Variants in SLC2A5 observed in about 807,000 individuals in gnomAD.
SLC2A5 encodes the protein solute carrier family 2 member 5.
In SLC2A5, 56 loss-of-function variants were observed where a neutral mutation model predicts 50.3. The observed-to-expected ratio is 1.11, with a 90% CI of 0.90 to 1.39. The LOEUF is 1.39. SLC2A5 is among the 40% of genes most tolerant of loss of function. SLC2A5 has a pLI of 0.00. For synonymous variants in SLC2A5, 269 were observed against 281.9 expected (o/e 0.95, Z 0.46); for missense variants, 566 against 650.1 (o/e 0.87, Z 1.41).
chr1:9,075,913 G>C (rs1053781409), intron 2 of SLC2A5, among the ~76,000 whole-genome samples: 1 of 151,696 alleles, frequency 6.6e-6, no homozygotes, highest in Admixed American at 6.6e-5. Context: ...CACCCACCTC[G>C]GCCTCCCAAA....
chr1:9,078,374 A>G (rs1045466362), intron 2 of SLC2A5, among the ~76,000 whole-genome samples: 4 of 152,150 alleles, frequency 2.6e-5, no homozygotes, highest in Non-Finnish European at 4.4e-5. Context: ...CCTCCTGGGA[A>G]TGCAGCCCAG....
At position 9,039,585 on chromosome 1, in the gene SLC2A5, G is replaced by A. The variant is rs1236412300; in HGVS notation, c.963C>T (p.Thr321=). Residue 321 remains threonine, a synonymous_variant, in exon 8 of 12, where the codon ACC becomes ACT. Coordinates refer to ENST00000377424, the MANE Select transcript of SLC2A5 (RefSeq NM_003039.3). ...EEHVQYVTAG[T]GAVNVVMTFC... is the part of the protein sequence containing the mutation. ...AGGTCATGACCACGTTCACGGCCCC[G>A]GTGCCGGCCGTCACGTACTGCACGT... 45 of 1,575,486 alleles carry A rather than the reference G, an allele frequency of 2.9e-5. No individual in the cohort carries two copies. The highest frequency in any genetic ancestry group is 1.2e-4 in the East Asian group (5 of 42,146).
At chr1:9,070,300 C>G (rs943161899), upstream of SLC2A5, among the ~76,000 whole-genome samples, 1 of 151,920 alleles carries the variant, frequency 6.6e-6, no homozygotes, top group Non-Finnish European at 1.5e-5. Context: ...AGGCTGGTCT[C>G]GAACTCCTGA....
intron 1 of SLC2A5, among the ~76,000 whole-genome samples, chr1:9,086,419 C>T (rs1192865953): frequency 3.4e-5 from 5 of 146,318 alleles, no homozygotes; most frequent in African/African-American, 1.0e-4. Context: ...GATGAAGTCT[C>T]ACTTTGTTGC....
Position 9,040,171 on chromosome 1 carries a change from C to T in SLC2A5, c.590G>A (p.Gly197Glu). The change falls in exon 6 of 12, where the codon GGG becomes GAG. Residue 197 changes from glycine to glutamate, a missense_variant. Physicochemically the swap from Gly to Glu is moderately conservative, Grantham distance 98. Coordinates refer to ENST00000377424, the MANE Select transcript of SLC2A5 (RefSeq NM_003039.3). The surrounding 1 kb of genome is among the most constrained non-coding windows in gnomAD (Gnocchi z 4.3). ...CAGCGCCGCGGGGACCCCGGTCAGCCCCAGCAGGATCGGCCAGCCTGGGAG... is the reference window on the plus strand; with the variant it reads ...CAGCGCCGCGGGGACCCCGGTCAGCTCCAGCAGGATCGGCCAGCCTGGGAG... ...ANVDGWPILL[G>E]LTGVPAALQL... is the part of the protein sequence containing the mutation. 6.4e-7 allele frequency: 1 copy of T among 1,553,664 alleles called. No homozygotes were observed. Among genetic ancestry groups the T allele is most frequent in the Non-Finnish European group, 8.7e-7 (1 of 1,149,776 alleles).
At position 9,061,110 on chromosome 1, in the gene SLC2A5, C is replaced by T. The variant is rs543856937; in HGVS notation, c.34-2860G>A. Among the ~76,000 whole-genome samples the T allele has an allele frequency of 3.2e-4, 48 of 151,498 alleles. No individual in the cohort carries two copies. The South Asian group carries it at 5.2e-3, about 16-fold the overall frequency. On this transcript the variant is annotated intron_variant, in intron 1 of 11. Transcript: ENST00000377424. ...AGCCAGCCCGGGCAACATGGTGAAA[C>T]CTCGTCTCTACTAAAAATTCAAAAA... is the stretch of plus-strand genomic sequence containing the variant.
intron 3 of SLC2A5, among the ~76,000 whole-genome samples, chr1:9,053,129 AC>A (rs1275885979): frequency 4.8e-4 from 26 of 54,470 alleles, no homozygotes; most frequent in East Asian, 2.0e-3. Context: ...TATTTATATT[AC>A]ATATATTTAT....
At chr1:9,057,049 T>TG (rs1037948585) in intron 3 of SLC2A5, among the ~76,000 whole-genome samples, 1 of 152,070 alleles carries the variant, frequency 6.6e-6, no homozygotes, top group Non-Finnish European at 1.5e-5. Flanking sequence ...CCCAGCACTC[T>TG]GGGGGGCTGA....
chr1:9,076,202 C>T (rs931342719), intron 2 of SLC2A5, among the ~76,000 whole-genome samples: 10 of 151,968 alleles, frequency 6.6e-5, no homozygotes, highest in African/African-American at 2.4e-4. Flanking sequence ...ATGATCTGAC[C>T]GCCTCGGCCT....
In SLC2A5 at chr1:9,041,792, G is replaced by C; in HGVS notation, c.564C>G (p.Asn188Lys). Residue 188 changes from asparagine to lysine, a missense_variant, in exon 5 of 12, where the codon AAC (asparagine) becomes AAG (lysine). Transcript: ENST00000377424. The part of the protein sequence containing the change: ...QIFGLRNLLA[N>K]VDGWPILLGL... ...GAGATGTCCTGAACTCACCATCTAC[G>C]TTTGCAAGGAGATTCCGAAGACCAA... 1 of 1,614,084 alleles carries C rather than the reference G, an allele frequency of 6.2e-7. No individual in the cohort carries two copies.
chr1:9,083,932 C>G (rs1642378221), intron 2 of SLC2A5, among the ~76,000 whole-genome samples: 1 of 152,138 alleles, frequency 6.6e-6, no homozygotes, highest in Non-Finnish European at 1.5e-5. Flanking sequence ...ATCACGAGGT[C>G]AGGAGATCGA....
In SLC2A5 at chr1:9,041,891, AG is replaced by A. The variant is rs1440518822; in HGVS notation, c.464del (p.Pro155LeufsTer35). On this transcript the variant is annotated frameshift_variant, in exon 5 of 12. Transcript: ENST00000377424. LOFTEE classifies it high-confidence loss of function. ...VVPMYLGELA[P>X]KNLRGALGVV... is the part of the protein sequence containing the mutation. ...CCCCGAGAGCCCCCCGCAGGTTTTT[AG>A]GGGCCAGCTCCCCTAAGTACATGGG... 2.5e-6 allele frequency: 4 copies of A among 1,613,708 alleles called. No individual in the cohort carries two copies. The highest frequency in any genetic ancestry group is 2.7e-5 in the African/African-American group (2 of 74,908).
At chr1:9,059,513 C>T (rs1211485577) in intron 1 of SLC2A5, among the ~76,000 whole-genome samples, 2 of 143,546 alleles carry the variant, frequency 1.4e-5, no homozygotes, top group Non-Finnish European at 3.0e-5. Context: ...CACTATCCCA[C>T]GGTATCTAAA....
intron 1 of SLC2A5, among the ~76,000 whole-genome samples, chr1:9,062,819 C>T (rs1641979373): frequency 6.6e-6 from 1 of 152,054 alleles, no homozygotes; most frequent in South Asian, 2.1e-4. Context: ...TTGCAGTGAG[C>T]CGAGATCACG....
At chr1:9,064,128 G>C (rs1440077900) in intron 1 of SLC2A5, among the ~76,000 whole-genome samples, 1 of 152,138 alleles carries the variant, frequency 6.6e-6, no homozygotes, top group Admixed American at 6.6e-5. Context: ...GTGCCAGCCT[G>C]GGCCTGTGTA....
At chr1:9,082,711 G>T in intron 2 of SLC2A5, 1 of 291,158 alleles carries the variant, frequency 3.4e-6, no homozygotes, top group Non-Finnish European at 6.9e-6. Flanking sequence ...CTGGGGAAAG[G>T]CTCCTATGTT....
rs199970634 is a variant in SLC2A5, at chr1:9,075,035, A to AC, written c.-58-5442_-58-5441insG. Among the ~76,000 whole-genome samples the AC allele has an allele frequency of 7.1e-3, 1,074 of 151,914 alleles. 13 individuals carry two copies. The highest frequency in any genetic ancestry group is 0.025 in the African/African-American group (1,022 of 41,452). Reference sequence around the variant, plus strand: ...GATCCCATCTCAAAAAACAAAACAAAAAAAAAAAGAAGTGCTTTCCAAGCT... The same window carrying AC: ...GATCCCATCTCAAAAAACAAAACAAACAAAAAAAAGAAGTGCTTTCCAAGCT... On this transcript the variant is annotated intron_variant, in intron 2 of 5. Coordinates refer to the SLC2A5 transcript ENST00000464985.
chr1:9,040,000 G>C lies in SLC2A5; in HGVS notation c.698-13C>G. 3 of 1,600,394 alleles carry C rather than the reference G, an allele frequency of 1.9e-6. No individual in the cohort carries two copies. Among genetic ancestry groups the C allele is most frequent in the Middle Eastern group, 1.7e-4 (1 of 6,012 alleles). ...AGCGTCTGTAGGGCTGGGGAGAAGC[G>C]GCACCGTCGGACCAGGGCTGGGGAG... is the stretch of plus-strand genomic sequence containing the variant. On this transcript the variant is annotated splice_polypyrimidine_tract_variant and intron_variant, in intron 6 of 11. Coordinates refer to ENST00000377424, the MANE Select transcript of SLC2A5 (RefSeq NM_003039.3).
At chr1:9,069,677 C>T, upstream of SLC2A5, 1 of 827,350 alleles carries the variant, frequency 1.2e-6, no homozygotes, top group Non-Finnish European at 2.0e-6. Context: ...CAGATTAAGT[C>T]AGAATAACCC....
Sources: allele counts gnomAD v4.1 joint callset (sites outside exome capture counted in the v4.1 genomes callset), GRCh38; gene constraint gnomAD v4.1.1; non-coding constraint Gnocchi (gnomAD v3.1); transcripts MANE v1.5; gene names NCBI Gene and HGNC (gene_info 2026-07-23, HGNC 2026-07-21).